MEGF10: variants seen among roughly 807,000 people sequenced by gnomAD.
MEGF10 encodes the protein multiple EGF like domains 10, also known as multiple epidermal growth factor-like domains protein 10.
In MEGF10, 86 loss-of-function variants were observed where a neutral mutation model predicts 147.5. That is an observed-to-expected ratio of 0.58 (90% confidence interval 0.49 to 0.70). The LOEUF is 0.70. MEGF10 is among the 30% of genes least tolerant of loss of function. The pLI, the probability that MEGF10 is intolerant of heterozygous loss-of-function variation, is 0.00. For synonymous variants in MEGF10, 478 were observed against 525.5 expected, an observed-to-expected ratio of 0.91 and a Z score of 1.24; for missense variants, 1,329 against 1,487.3, an observed-to-expected ratio of 0.89 and a Z score of 1.75.
chr5:127,283,330 C>A, the MEGF10 span, among the ~76,000 whole-genome samples: 1 of 152,208 alleles, frequency 6.6e-6, no homozygotes, highest in East Asian at 1.9e-4. Flanking sequence ...TTCACTATAT[C>A]AAATGTTGAA....
At chr5:127,266,835 G>T in the MEGF10 span, among the ~76,000 whole-genome samples, 6 of 152,162 alleles carry the variant, frequency 3.9e-5, no homozygotes, top group Non-Finnish European at 7.4e-5. Context: ...AGACAATGGG[G>T]TTTTCTAGAT....
At chr5:127,438,698 C>A in intron 17 of MEGF10, 131 bp downstream of exon 17, 1 of 863,122 alleles carries the variant, frequency 1.2e-6, no homozygotes, top group Non-Finnish European at 1.7e-6. Flanking sequence ...TCCTAATGAC[C>A]TGTAGACATA....
At chr5:127,298,619 A>G (rs1395826312) in intron 1 of MEGF10, among the ~76,000 whole-genome samples, 1 of 152,142 alleles carries the variant, frequency 6.6e-6, no homozygotes, top group Non-Finnish European at 1.5e-5. Flanking sequence ...CCATATATGC[A>G]TGATAATCCT....
At chr5:127,410,359 T>C in intron 8 of MEGF10, 30 bp from the exon 9 acceptor site, 1 of 1,605,770 alleles carries the variant, frequency 6.2e-7, no homozygotes, top group Non-Finnish European at 8.5e-7. Flanking sequence ...TAACTAATCT[T>C]TCTTCTTGCT....
intron 1 of MEGF10, among the ~76,000 whole-genome samples, chr5:127,306,095 G>C (rs1759999705): frequency 1.3e-5 from 2 of 152,204 alleles, no homozygotes; most frequent in South Asian, 4.1e-4. Context: ...AACCTAAGGA[G>C]TTTTCTGCTT....
At chr5:127,356,235 C>G (rs1762277341) in intron 4 of MEGF10, among the ~76,000 whole-genome samples, 1 of 152,174 alleles carries the variant, frequency 6.6e-6, no homozygotes, top group Non-Finnish European at 1.5e-5. Flanking sequence ...TACAGATAAT[C>G]CAGTGGTAAA....
At chr5:127,356,014 C>G (rs976181175) in intron 4 of MEGF10, among the ~76,000 whole-genome samples, 1 of 152,168 alleles carries the variant, frequency 6.6e-6, no homozygotes, top group Non-Finnish European at 1.5e-5. Context: ...ATGCAATCCC[C>G]TTGCAGGGAT....
chr5:127,398,831 C>A (rs1427343286), intron 7 of MEGF10, 35 bp downstream of exon 7: 8 of 1,612,356 alleles, frequency 5.0e-6, no homozygotes, highest in Non-Finnish European at 6.8e-6. Context: ...GCCCCTGCCC[C>A]AAAGTCACCC....
the MEGF10 span, among the ~76,000 whole-genome samples, chr5:127,240,778 A>G: frequency 6.6e-6 from 1 of 152,234 alleles, no homozygotes; most frequent in Non-Finnish European, 1.5e-5. Flanking sequence ...TCACAGGAGG[A>G]TGTTGTCAAA....
chr5:127,301,238 C>G (rs73344914), intron 1 of MEGF10, among the ~76,000 whole-genome samples: 22 of 152,170 alleles, frequency 1.4e-4, no homozygotes, highest in Non-Finnish European at 2.5e-4. Context: ...AACAACCTGT[C>G]GTCCTTTTTC....
At chr5:127,372,817 T>C (rs1762893929) in intron 5 of MEGF10, among the ~76,000 whole-genome samples, 1 of 152,180 alleles carries the variant, frequency 6.6e-6, no homozygotes, top group Non-Finnish European at 1.5e-5. Flanking sequence ...TTGGTTAACC[T>C]TCATCACTTG....
chr5:127,325,581 A>G (rs944601381), intron 1 of MEGF10, among the ~76,000 whole-genome samples: 3 of 151,914 alleles, frequency 2.0e-5, no homozygotes, highest in African/African-American at 7.2e-5. Flanking sequence ...TCTGGTCTTA[A>G]TCATGGTGTG....
At chr5:127,245,414 A>G in the MEGF10 span, among the ~76,000 whole-genome samples, 2 of 152,146 alleles carry the variant, frequency 1.3e-5, no homozygotes, top group Non-Finnish European at 2.9e-5. Context: ...TATGCAGAAA[A>G]CTGAAACTAG....
chr5:127,261,409 T>C, the MEGF10 span, among the ~76,000 whole-genome samples: 1 of 152,220 alleles, frequency 6.6e-6, no homozygotes, highest in South Asian at 2.1e-4. Flanking sequence ...CTCAGTGTTA[T>C]GGTTCATTCA....
chr5:127,283,936 A>C, the MEGF10 span, among the ~76,000 whole-genome samples: 1 of 152,240 alleles, frequency 6.6e-6, no homozygotes, highest in Non-Finnish European at 1.5e-5. Context: ...AAACGGATGA[A>C]TTTGGAATCC....
chr5:127,442,962 A>T (rs1765810579), intron 18 of MEGF10, 36 bp from the exon 19 acceptor site: 1 of 1,591,164 alleles, frequency 6.3e-7, no homozygotes. Context: ...CCAAATTCCC[A>T]AGGTTGGAAA....
the MEGF10 span, among the ~76,000 whole-genome samples, chr5:127,262,707 C>A: frequency 1.3e-5 from 2 of 152,242 alleles, no homozygotes; most frequent in East Asian, 3.9e-4. Context: ...TCTTCCTTCT[C>A]CCTAGTCCAG....
intron 1 of MEGF10, 102 bp downstream of exon 1, chr5:127,291,158 G>C (rs1338960559): frequency 7.9e-5 from 12 of 152,318 alleles, no homozygotes; most frequent in Admixed American, 7.9e-4. Context: ...CCAGGGTACC[G>C]GGGTGCGGCG....
chr5:127,340,608 T>C lies in MEGF10; in HGVS notation c.297T>C (p.Tyr99=), dbSNP rs975129590. 1.2e-6 allele frequency: 2 copies of C among 1,612,738 alleles called. No individual in the cohort carries two copies. The highest frequency in any genetic ancestry group is 2.7e-5 in the African/African-American group (2 of 74,872). The change falls in exon 4 of 25, where the codon TAT becomes TAC. Residue 99 remains tyrosine (Y), a synonymous_variant. Transcript: ENST00000503335. ...AGTCTCAGTGTTGTCCTGGATTTTA[T>C]GAAAGCGGGGAAATGTGTGTCCGTA... ...RRKSQCCPGF[Y]ESGEMCVPHC...
Sources: gnomAD v4.1 joint callset for allele counts (sites outside exome capture counted in the v4.1 genomes callset) on GRCh38, gnomAD v4.1.1 for gene constraint, MANE v1.5 for transcripts, NCBI Gene and HGNC (gene_info 2026-07-23, HGNC 2026-07-21) for gene names.